Variants in EYA1 observed in about 807,000 individuals in gnomAD.
EYA1 encodes EYA transcriptional coactivator and phosphatase 1.
EYA1 carries 16 observed loss-of-function variants against 82.0 expected under a neutral mutation model. The observed-to-expected ratio is 0.20, with a 90% CI of 0.13 to 0.30. EYA1 has a LOEUF of 0.30. Ranked by LOEUF, EYA1 falls within the 10% of genes least tolerant of loss-of-function variation. The pLI, the probability that EYA1 is intolerant of heterozygous loss-of-function variation, is 1.00. For synonymous variants in EYA1, 261 were observed against 264.4 expected (o/e 0.99, Z 0.12); for missense variants, 633 against 730.7 (o/e 0.87, Z 1.54).
chr8:71,438,729 C>G (rs1045572496), intron 2 of EYA1, among the ~76,000 whole-genome samples: 1 of 152,102 alleles, frequency 6.6e-6, no homozygotes, highest in Non-Finnish European at 1.5e-5. Flanking sequence ...ATGACACATA[C>G]AAGAACACGA....
At chr8:71,330,093 C>A (rs562051142) in intron 4 of EYA1, among the ~76,000 whole-genome samples, 2 of 152,074 alleles carry the variant, frequency 1.3e-5, no homozygotes, top group Non-Finnish European at 2.9e-5. Flanking sequence ...GGCGGGCAGG[C>A]AACAAGGTCA....
At chr8:71,269,678 TAAAC>T in intron 11 of EYA1, 58 bp downstream of exon 11, 2 of 1,166,256 alleles carry the variant, frequency 1.7e-6, no homozygotes, top group Admixed American at 3.7e-5. Flanking sequence ...ATTTGGATAA[TAAAC>T]AAATTAGAGG....
intron 2 of EYA1, among the ~76,000 whole-genome samples, chr8:71,487,176 T>G (rs1810637076): frequency 6.6e-6 from 1 of 152,006 alleles, no homozygotes; most frequent in Non-Finnish European, 1.5e-5. Flanking sequence ...GTATTTGAAG[T>G]GGGTACTAAC....
At chr8:71,451,380 A>G (rs757261117) in intron 2 of EYA1, among the ~76,000 whole-genome samples, 15 of 152,222 alleles carry the variant, frequency 9.9e-5, no homozygotes, top group Non-Finnish European at 1.9e-4. Flanking sequence ...TATCTTCAGA[A>G]ACTATTGGAG....
chr8:71,436,211 A>C (rs1404521638), intron 2 of EYA1, among the ~76,000 whole-genome samples: 1 of 152,114 alleles, frequency 6.6e-6, no homozygotes, highest in African/African-American at 2.4e-5. Context: ...AACTCTATTA[A>C]AATGCCAAAT....
Position 71,244,618 on chromosome 8 carries a change from A to C in EYA1, c.1125T>G (p.Phe375Leu). The change falls in exon 12 of 18, where the codon TTT (phenylalanine) becomes TTG (leucine). Residue 375 changes from phenylalanine (F) to leucine (L), a missense_variant. Transcript: ENST00000340726. ...MIFNLADTHL[F>L]FNDLEECDQV... ...TAGAACTTACTTCTAAGTCATTAAA[A>C]AATAAATGTGTGTCTGCCAAGTTGA... 2 of 1,598,450 alleles carry C rather than the reference A, an allele frequency of 1.3e-6. No homozygotes were observed. The highest frequency in any genetic ancestry group is 1.7e-6 in the Non-Finnish European group (2 of 1,167,004).
chr8:71,448,079 A>T (rs1586735276), intron 2 of EYA1, among the ~76,000 whole-genome samples: 1 of 139,446 alleles, frequency 7.2e-6, no homozygotes, highest in Non-Finnish European at 1.5e-5. Context: ...GCTCACTGCA[A>T]CCTACGCCTT....
Position 71,211,257 on chromosome 8 carries a change from C to A in EYA1, c.1598-1G>T. 6.3e-7 allele frequency: 1 copy of A among 1,588,430 alleles called. No homozygotes were observed. ...ATTCTCTCAAAACAGCTTTCTTTTCCTAGTGAACAAAAATAAATGATAGAA... is the reference window on the plus strand; with the variant it reads ...ATTCTCTCAAAACAGCTTTCTTTTCATAGTGAACAAAAATAAATGATAGAA... On this transcript the variant is annotated splice_acceptor_variant, in intron 16 of 17. Transcript: ENST00000340726. LOFTEE classifies it high-confidence loss of function.
At chr8:71,423,372 T>C (rs1831249341) in intron 2 of EYA1, among the ~76,000 whole-genome samples, 1 of 152,218 alleles carries the variant, frequency 6.6e-6, no homozygotes. Flanking sequence ...ACAATGTAGC[T>C]TTGAGGATTG....
chr8:71,506,022 C>T (rs907380805), intron 2 of EYA1, among the ~76,000 whole-genome samples: 2 of 152,180 alleles, frequency 1.3e-5, no homozygotes, highest in Admixed American at 6.5e-5. Context: ...ATGGTACCTG[C>T]TTCCCCTTCT....
At chr8:71,466,260 A>G (rs568807876) in intron 2 of EYA1, among the ~76,000 whole-genome samples, 101 of 152,316 alleles carry the variant, frequency 6.6e-4, no homozygotes, top group Non-Finnish European at 9.9e-4. Flanking sequence ...AAGGAAGAAT[A>G]AAAGATTTTT....
At chr8:71,425,862 C>A (rs1805189007) in intron 2 of EYA1, among the ~76,000 whole-genome samples, 1 of 152,146 alleles carries the variant, frequency 6.6e-6, no homozygotes. Context: ...GGAGCCACTG[C>A]CAACAATGGG....
At chr8:71,267,063 C>A (rs888442244) in intron 11 of EYA1, among the ~76,000 whole-genome samples, 1 of 152,190 alleles carries the variant, frequency 6.6e-6, no homozygotes, top group African/African-American at 2.4e-5. Context: ...CCCCATTTTT[C>A]TTCCACTACC....
At chr8:71,289,823 A>C (rs563090873) in intron 9 of EYA1, among the ~76,000 whole-genome samples, 2 of 152,224 alleles carry the variant, frequency 1.3e-5, no homozygotes, top group Non-Finnish European at 2.9e-5. Flanking sequence ...AACCCACAAC[A>C]AAAATACTTA....
intron 2 of EYA1, among the ~76,000 whole-genome samples, chr8:71,406,739 G>A (rs572413787): frequency 1.8e-4 from 27 of 151,182 alleles, no homozygotes; most frequent in Admixed American, 1.7e-3. Flanking sequence ...ACGGAATCTC[G>A]CTGATTGCTA....
upstream of EYA1, among the ~76,000 whole-genome samples, chr8:71,364,126 A>G (rs1364027483): frequency 2.0e-5 from 3 of 151,922 alleles, no homozygotes; most frequent in Non-Finnish European, 2.9e-5. Context: ...GAAAATTAGT[A>G]AAATCATGAT....
intron 2 of EYA1, among the ~76,000 whole-genome samples, chr8:71,393,797 G>C (rs559380223): frequency 2.6e-5 from 4 of 152,264 alleles, no homozygotes; most frequent in Non-Finnish European, 5.9e-5. Flanking sequence ...ATAATCCTTT[G>C]GGTATATGCC....
intron 17 of EYA1, among the ~76,000 whole-genome samples, chr8:71,209,720 A>G (rs1808271465): frequency 6.6e-6 from 1 of 152,212 alleles, no homozygotes; most frequent in African/African-American, 2.4e-5. Flanking sequence ...TGTATCATTT[A>G]TGGAAATATA....
At chr8:71,249,104 T>A (rs1214793214) in intron 11 of EYA1, among the ~76,000 whole-genome samples, 2 of 152,236 alleles carry the variant, frequency 1.3e-5, no homozygotes, top group East Asian at 3.9e-4. Context: ...TTTAAGTCAA[T>A]CTCATTGCCA....
Sources: allele counts gnomAD v4.1 joint callset (sites outside exome capture counted in the v4.1 genomes callset), GRCh38; gene constraint gnomAD v4.1.1; transcripts MANE v1.5; gene names NCBI Gene and HGNC (gene_info 2026-07-23, HGNC 2026-07-21).